The following WRNIP1 variants were observed in gnomAD, a reference collection of about 807,000 sequenced individuals.
WRNIP1 encodes the protein WRN helicase interacting protein 1.
In WRNIP1, 41 loss-of-function variants were observed where a neutral mutation model predicts 56.1. The ratio of observed to expected loss-of-function variants is 0.73; its 90% CI spans 0.57 to 0.95. The LOEUF (loss-of-function observed/expected upper bound fraction) is 0.95. Ranked by LOEUF, WRNIP1 falls within the 40% of genes least tolerant of loss-of-function variation. WRNIP1 has a pLI of 0.00. For synonymous variants in WRNIP1, 547 were observed against 398.1 expected (o/e 1.37, Z -4.45); for missense variants, 1,170 against 939.4 (o/e 1.25, Z -3.21).
chr6:2,766,251 C>T lies in WRNIP1; in HGVS notation c.629C>T (p.Pro210Leu), dbSNP rs544562879. The T allele has an allele frequency of 6.6e-7, 1 of 1,520,802 alleles. No individual in the cohort carries two copies. The highest frequency in any genetic ancestry group is 8.8e-7 in the Non-Finnish European group (1 of 1,134,392). 94.2% of individuals were successfully genotyped at this position (1,520,802 alleles called of 1,614,324 possible). A position where few individuals can be genotyped will look rare whatever the true frequency, so the allele number is the denominator to read the frequency against. ...GCCAGTGGCGGGGGCCGCCCGCACC[C>T]CCGGGCGCTGGCTGCCGAGGAGATC... ...FGASGGGRPH[P>L]RALAAEEIRQ... The change falls in exon 1 of 7, where the codon CCC (proline) becomes CTC (leucine). Residue 210 changes from proline to leucine, a missense_variant. Physicochemically the swap from Pro to Leu is moderately conservative, Grantham distance 98 (BLOSUM62 -3). Transcript: ENST00000380773.
chr6:2,775,606 C>T (rs1765412886), intron 3 of WRNIP1, among the ~76,000 whole-genome samples: 1 of 152,212 alleles, frequency 6.6e-6, no homozygotes, highest in African/African-American at 2.4e-5. Flanking sequence ...ACATATCCAG[C>T]TGTCTAAGTA....
Position 2,765,518 on chromosome 6 carries a change from G to C in WRNIP1, c.-105G>C. 1 of 1,285,528 alleles carries C rather than the reference G, an allele frequency of 7.8e-7. No individual in the cohort carries two copies. The highest frequency in any genetic ancestry group is 9.8e-7 in the Non-Finnish European group (1 of 1,017,592). 79.6% of individuals were successfully genotyped at this position (1,285,528 alleles called of 1,614,324 possible). A position where few individuals can be genotyped will look rare whatever the true frequency, so the allele number is the denominator to read the frequency against. ...CCCGCGAGCGTCCTGCTGGTTCCCC[G>C]AGCGAGGGTCTCGCGGCGCGGGGCC... is the stretch of plus-strand genomic sequence containing the variant. On this transcript the variant is annotated 5_prime_UTR_variant, in exon 1 of 7. Transcript: ENST00000380773.
At chr6:2,769,250 G>T (rs772692711) in intron 2 of WRNIP1, among the ~76,000 whole-genome samples, 8 of 152,086 alleles carry the variant, frequency 5.3e-5, no homozygotes, top group Non-Finnish European at 1.2e-4. Context: ...TACTTTAACA[G>T]TATTTTTATT....
intron 4 of WRNIP1, among the ~76,000 whole-genome samples, chr6:2,780,049 C>G (rs1053617446): frequency 2.0e-5 from 3 of 152,170 alleles, no homozygotes; most frequent in Non-Finnish European, 2.9e-5. Flanking sequence ...TTACAGATAG[C>G]AGATTTGATA....
At chr6:2,777,532 T>G (rs1004243793) in intron 3 of WRNIP1, among the ~76,000 whole-genome samples, 3 of 152,198 alleles carry the variant, frequency 2.0e-5, no homozygotes, top group Non-Finnish European at 4.4e-5. Context: ...AGAAATGAGA[T>G]GCCCAAGCAG....
rs568496810 is a variant in WRNIP1, at chr6:2,785,281, G to C, written c.1997G>C (p.Ter666SerextTer21). 1 of 1,612,924 alleles carries C rather than the reference G, an allele frequency of 6.2e-7. No homozygotes were observed. Among genetic ancestry groups the C allele is most frequent in the Non-Finnish European group, 8.5e-7 (1 of 1,179,214 alleles). The change falls in exon 7 of 7, where the codon TGA becomes TCA. Residue 666 changes from the stop codon to serine (S), a stop_lost. Coordinates refer to ENST00000380773, the MANE Select transcript of WRNIP1 (RefSeq NM_020135.3). ...GVDFFKQRRC[*>S] is the part of the protein sequence containing the mutation. ...GATTTCTTCAAGCAGAGGAGGTGCT[G>C]ACTCCTCAGGGCACGACAGCAGAAG... is the stretch of plus-strand genomic sequence containing the variant.
chr6:2,768,952 T>A (rs1765159223), intron 2 of WRNIP1, 70 bp downstream of exon 2: 1 of 1,450,518 alleles, frequency 6.9e-7, no homozygotes, highest in Non-Finnish European at 9.3e-7. Context: ...GAGATCACTA[T>A]ACAAACGCTA....
chr6:2,765,473 T>C lies in WRNIP1; in HGVS notation c.-150T>C, dbSNP rs1764894690. 6 of 1,015,582 alleles carry C rather than the reference T, an allele frequency of 5.9e-6. No individual in the cohort carries two copies. The South Asian group carries it at 1.8e-4, about 30-fold the overall frequency. The allele number at this position is 1,015,582 out of a possible 1,614,324, so 62.9% of individuals were successfully genotyped here. A position where few individuals can be genotyped will look rare whatever the true frequency, so the allele number is the denominator to read the frequency against. On this transcript the variant is annotated 5_prime_UTR_variant, in exon 1 of 7. An upstream start codon of the reference 5' UTR is lost. Coordinates refer to ENST00000380773, the MANE Select transcript of WRNIP1 (RefSeq NM_020135.3). Reference sequence around the variant, plus strand: ...ACGCGGGAGCTGCGGACGTGAGGCATGAGCGGCGCCCTCCTCCGGCCCGCG... The same window carrying C: ...ACGCGGGAGCTGCGGACGTGAGGCACGAGCGGCGCCCTCCTCCGGCCCGCG...
intron 5 of WRNIP1, 146 bp downstream of exon 5, chr6:2,783,707 C>CT (rs1765637762): frequency 1.5e-6 from 1 of 653,070 alleles, no homozygotes; most frequent in East Asian, 3.3e-5. Context: ...CTATGTGAGA[C>CT]TGGCAGGAGA....
Position 2,766,273 on chromosome 6 carries a change from G to A in WRNIP1, c.651G>A (p.Glu217=), listed in dbSNP as rs1290032226. The change falls in exon 1 of 7, where the codon GAG becomes GAA. Residue 217 remains glutamate, a synonymous_variant. Transcript: ENST00000380773. ...RPHPRALAAE[E]IRQMLQGKPL... ...ACCCCCGGGCGCTGGCTGCCGAGGAGATCCGACAGATGCTACAGGGCAAGC... is the reference window on the plus strand; with the variant it reads ...ACCCCCGGGCGCTGGCTGCCGAGGAAATCCGACAGATGCTACAGGGCAAGC... The A allele has an allele frequency of 6.3e-7, 1 of 1,578,610 alleles. No homozygotes were observed.
intron 6 of WRNIP1, 123 bp from the exon 7 acceptor site, chr6:2,784,883 AG>A: frequency 7.9e-7 from 1 of 1,270,366 alleles, no homozygotes; most frequent in Non-Finnish European, 1.1e-6. Context: ...TAGGCGCAAA[AG>A]GGGGATAATA....
At chr6:2,780,875 A>C (rs1481939963) in intron 4 of WRNIP1, among the ~76,000 whole-genome samples, 1 of 152,158 alleles carries the variant, frequency 6.6e-6, no homozygotes, top group African/African-American at 2.4e-5. Context: ...GTCACTTGAG[A>C]TCCATATAAC....
chr6:2,783,522 G>A lies in WRNIP1; in HGVS notation c.1603G>A (p.Val535Met), dbSNP rs565449786. 9 of 1,613,472 alleles carry A rather than the reference G, an allele frequency of 5.6e-6. No homozygotes were observed. Among genetic ancestry groups the A allele is most frequent in the Non-Finnish European group, 7.6e-6 (9 of 1,179,770 alleles). The change falls in exon 5 of 7, where the codon GTG becomes ATG. Residue 535 changes from valine (V) to methionine (M), a missense_variant. Transcript: ENST00000380773. ...MLEGGEDPLY[V>M]ARRLVRFASE... is the part of the protein sequence containing the mutation. Reference sequence around the variant, plus strand: ...CGAGGGAGGAGAGGACCCACTCTACGTGGCACGGAGGCTTGTCAGGTTTGC... The same window carrying A: ...CGAGGGAGGAGAGGACCCACTCTACATGGCACGGAGGCTTGTCAGGTTTGC...
In WRNIP1 at chr6:2,785,636, G is replaced by C. The variant is rs1284460919; in HGVS notation, c.*354G>C. 1 of 227,052 alleles carries C rather than the reference G, an allele frequency of 4.4e-6. No homozygotes were observed. The highest frequency in any genetic ancestry group is 2.3e-5 in the African/African-American group (1 of 43,546). The allele number at this position is 227,052 out of a possible 1,614,324, so 14.1% of individuals were successfully genotyped here. ...TTTTCTTTAAAAAATGTATATTCTG[G>C]GTAGTTTTAATTGGTAAAAAAATGT... On this transcript the variant is annotated 3_prime_UTR_variant, in exon 7 of 7. Transcript: ENST00000380773.
At chr6:2,783,592 A>G (rs781432836) in intron 5 of WRNIP1, 31 bp downstream of exon 5, 42 of 1,145,706 alleles carry the variant, frequency 3.7e-5, no homozygotes, top group East Asian at 1.6e-4. Context: ...CCGGAGTCCT[A>G]TGTCCATGAG....
chr6:2,765,490 C>A lies in WRNIP1; in HGVS notation c.-133C>A, dbSNP rs1020568833. 131 of 1,168,488 alleles carry A rather than the reference C, an allele frequency of 1.1e-4. 1 individual carries two copies. The highest frequency in any genetic ancestry group is 1.4e-4 in the Non-Finnish European group (125 of 924,992). 72.4% of individuals were successfully genotyped at this position (1,168,488 alleles called of 1,614,324 possible). A position where few individuals can be genotyped will look rare whatever the true frequency, so the allele number is the denominator to read the frequency against. On this transcript the variant is annotated 5_prime_UTR_variant, in exon 1 of 7. Transcript: ENST00000380773. ...GTGAGGCATGAGCGGCGCCCTCCTCCGGCCCGCGAGCGTCCTGCTGGTTCC... is the reference window on the plus strand; with the variant it reads ...GTGAGGCATGAGCGGCGCCCTCCTCAGGCCCGCGAGCGTCCTGCTGGTTCC...
At position 2,768,887 on chromosome 6, in the gene WRNIP1, A is replaced by G. The variant is rs1269951947; in HGVS notation, c.1014+5A>G. The G allele has an allele frequency of 4.4e-6, 7 of 1,603,466 alleles. No homozygotes were observed. Among genetic ancestry groups the G allele is most frequent in the African/African-American group, 4.0e-5 (3 of 74,486 alleles). ...CGGTTCAATAAATCTCAGCAGGTAT[A>G]TTAACTTCCTTCTACCTTTTGGTCG... On this transcript the variant is annotated splice_donor_5th_base_variant and intron_variant, in intron 2 of 6. Coordinates refer to ENST00000380773, the MANE Select transcript of WRNIP1 (RefSeq NM_020135.3).
chr6:2,767,027 A>G (rs1224752967), intron 1 of WRNIP1, among the ~76,000 whole-genome samples: 1 of 152,240 alleles, frequency 6.6e-6, no homozygotes, highest in East Asian at 1.9e-4. Context: ...TACAAAACTA[A>G]CATAAAAACT....
In WRNIP1 at chr6:2,766,047, G is replaced by C; in HGVS notation, c.425G>C (p.Arg142Thr). ...SSPGRKGSGK[R>T]PAAAAAAGSA... is the part of the protein sequence containing the mutation. Reference sequence around the variant, plus strand: ...CCCGGGAGGAAGGGGTCGGGGAAGAGGCCGGCGGCCGCCGCCGCGGCGGGG... The same window carrying C: ...CCCGGGAGGAAGGGGTCGGGGAAGACGCCGGCGGCCGCCGCCGCGGCGGGG... The change falls in exon 1 of 7, where the codon AGG (arginine) becomes ACG (threonine). Residue 142 changes from arginine to threonine, a missense_variant. Arg to Thr is a moderately conservative substitution (Grantham distance 71). Transcript: ENST00000380773. 1 of 1,296,514 alleles carries C rather than the reference G, an allele frequency of 7.7e-7. No individual in the cohort carries two copies. Among genetic ancestry groups the C allele is most frequent in the East Asian group, 3.1e-5 (1 of 31,982 alleles). The allele number at this position is 1,296,514 out of a possible 1,614,324, so 80.3% of individuals were successfully genotyped here.
Sources: allele counts gnomAD v4.1 joint callset (sites outside exome capture counted in the v4.1 genomes callset), GRCh38; gene constraint gnomAD v4.1.1; transcripts MANE v1.5; gene names NCBI Gene and HGNC (gene_info 2026-07-23, HGNC 2026-07-21).